DNAJC11: variants seen among roughly 807,000 people sequenced by gnomAD.
DNAJC11 encodes the protein DnaJ heat shock protein family (Hsp40) member C11.
DNAJC11 carries 15 observed loss-of-function variants against 78.6 expected under a neutral mutation model. That is an observed-to-expected ratio of 0.19 (90% confidence interval 0.13 to 0.29). The LOEUF is 0.29. Ranked by LOEUF, DNAJC11 falls within the 10% of genes least tolerant of loss-of-function variation. DNAJC11 has a pLI of 1.00. For synonymous variants in DNAJC11, 292 were observed against 272.1 expected (o/e 1.07, Z -0.72); for missense variants, 547 against 709.6 (o/e 0.77, Z 2.60).
chr1:6,641,213 C>T (rs1273058198), intron 10 of DNAJC11, among the ~76,000 whole-genome samples: 1 of 151,780 alleles, frequency 6.6e-6, no homozygotes, highest in Non-Finnish European at 1.5e-5. Flanking sequence ...TGGTGAAACC[C>T]TGTCTCTACT....
In DNAJC11 at chr1:6,675,181, T is replaced by C. The variant is rs537599800; in HGVS notation, c.276+3213A>G. On this transcript the variant is annotated intron_variant, in intron 3 of 15. Coordinates refer to ENST00000377577, the MANE Select transcript of DNAJC11 (RefSeq NM_018198.4). ...ATGAATAATGGGCTCAATTTTCCTA[T>C]TGGATGTTAAGCACTAATACATATC... Among the ~76,000 whole-genome samples the C allele has an allele frequency of 2.0e-5, 3 of 152,288 alleles. No homozygotes were observed. In the South Asian group the frequency reaches 6.2e-4, roughly 32 times the overall value.
At chr1:6,656,372 C>A (rs987617599) in intron 4 of DNAJC11, among the ~76,000 whole-genome samples, 23 of 151,520 alleles carry the variant, frequency 1.5e-4, no homozygotes, top group African/African-American at 5.1e-4. Context: ...AGTTTTATAG[C>A]ATCTAAATTT....
chr1:6,663,199 C>G (rs1642244164), intron 4 of DNAJC11, among the ~76,000 whole-genome samples: 1 of 152,056 alleles, frequency 6.6e-6, no homozygotes, highest in Non-Finnish European at 1.5e-5. Context: ...CAAAAATGGC[C>G]AGGAAATAAT....
chr1:6,634,185 T>C lies in DNAJC11; in HGVS notation c.*1490A>G. ...CGCCAGCCTCTGCTTTCAGGAAAGG[T>C]TTATTGTGGTGAGTGCCTTCTGTAC... On this transcript the variant is annotated 3_prime_UTR_variant, in exon 16 of 16. Coordinates refer to ENST00000377577, the MANE Select transcript of DNAJC11 (RefSeq NM_018198.4). 8.4e-7 allele frequency: 1 copy of C among 1,192,340 alleles called. No homozygotes were observed. Among genetic ancestry groups the C allele is most frequent in the Non-Finnish European group, 1.2e-6 (1 of 821,004 alleles). The allele number at this position is 1,192,340 out of a possible 1,614,324, so 73.9% of individuals were successfully genotyped here.
rs573621784 is a variant in DNAJC11, at chr1:6,667,975, C to T, written c.277-165G>A. The T allele has an allele frequency of 2.6e-5, 17 of 647,122 alleles. No individual in the cohort carries two copies. The East Asian group carries it at 4.7e-4, about 18-fold the overall frequency. The allele number at this position is 647,122 out of a possible 1,614,324, so 40.1% of individuals were successfully genotyped here. A position where few individuals can be genotyped will look rare whatever the true frequency, so the allele number is the denominator to read the frequency against. On this transcript the variant is annotated intron_variant, in intron 3 of 15. Transcript: ENST00000377577. ...AACCATGAGTTCCACCATCCGATGG[C>T]TCAGGCCTGGGTGAGGGAGAGCTCA... is the stretch of plus-strand genomic sequence containing the variant.
Position 6,661,259 on chromosome 1 carries a change from G to C in DNAJC11, c.378+6450C>G, listed in dbSNP as rs974499162. On this transcript the variant is annotated intron_variant, in intron 4 of 15. Coordinates refer to ENST00000377577, the MANE Select transcript of DNAJC11 (RefSeq NM_018198.4). ...AAAATTCCACCAAAAGAGGTGATAC[G>C]AGGCAATGTGAAATTCACCTGTTTT... Among the ~76,000 whole-genome samples, 7 of 152,164 alleles carry C rather than the reference G, an allele frequency of 4.6e-5. No homozygotes were observed. The East Asian group carries it at 1.3e-3, about 29-fold the overall frequency.
rs975356259 is a variant in DNAJC11 at position 6,635,375 on chromosome 1, G to T, written c.*300C>A. 8.9e-6 allele frequency: 3 copies of T among 337,384 alleles called. No individual in the cohort carries two copies. In the South Asian group the frequency reaches 1.3e-4, roughly 15 times the overall value. The allele number at this position is 337,384 out of a possible 1,614,324, so 20.9% of individuals were successfully genotyped here. A position where few individuals can be genotyped will look rare whatever the true frequency, so the allele number is the denominator to read the frequency against. On this transcript the variant is annotated 3_prime_UTR_variant, in exon 16 of 16. Coordinates refer to ENST00000377577, the MANE Select transcript of DNAJC11 (RefSeq NM_018198.4). Reference sequence around the variant, plus strand: ...CAGGGCGGCGGGCTGCGGTCAGCACGTGTGCTCGGGACACAGCGGAGTCAG... The same window carrying T: ...CAGGGCGGCGGGCTGCGGTCAGCACTTGTGCTCGGGACACAGCGGAGTCAG...
intron 1 of DNAJC11, among the ~76,000 whole-genome samples, chr1:6,693,749 A>C (rs1370302454): frequency 6.6e-6 from 1 of 151,988 alleles, no homozygotes; most frequent in Non-Finnish European, 1.5e-5. Flanking sequence ...TCTGTCGCCC[A>C]GCCTAGAGTG....
At chr1:6,681,271 C>T (rs1642547467) in intron 1 of DNAJC11, among the ~76,000 whole-genome samples, 1 of 152,116 alleles carries the variant, frequency 6.6e-6, no homozygotes, top group East Asian at 1.9e-4. Context: ...GTGCTGCTAT[C>T]CAATGAATGA....
At chr1:6,635,879 C>G (rs1641757515) in intron 15 of DNAJC11, among the ~76,000 whole-genome samples, 179 bp from the exon 16 acceptor site, 1 of 152,250 alleles carries the variant, frequency 6.6e-6, no homozygotes, top group Non-Finnish European at 1.5e-5. Flanking sequence ...TCCCCCGCCA[C>G]TCAAGCCGCA....
At chr1:6,689,062 G>A (rs756505691) in intron 1 of DNAJC11, among the ~76,000 whole-genome samples, 11 of 152,156 alleles carry the variant, frequency 7.2e-5, no homozygotes, top group Non-Finnish European at 1.0e-4. Context: ...TTTAAAAATG[G>A]AGCCAAGGAG....
At chr1:6,655,678 GC>G (rs1642115462) in intron 4 of DNAJC11, among the ~76,000 whole-genome samples, 1 of 152,096 alleles carries the variant, frequency 6.6e-6, no homozygotes. Flanking sequence ...ACAAAAATTA[GC>G]CAGGTACACG....
At chr1:6,674,723 G>A (rs986655812) in intron 3 of DNAJC11, among the ~76,000 whole-genome samples, 9 of 151,106 alleles carry the variant, frequency 6.0e-5, no homozygotes, top group African/African-American at 2.2e-4. Flanking sequence ...GTGAGACTCT[G>A]TCTCAAAAAA....
At position 6,651,571 on chromosome 1, in the gene DNAJC11, G is replaced by C; in HGVS notation, c.662C>G (p.Pro221Arg). ...LEFGAGDLQG[P>R]LFGLKLFRNL... ...ACGGAACAGCTTGAGACCGAACAAA[G>C]GCCCCTGTAGGTCTCCAGCTCCAAA... The change falls in exon 7 of 16, where the codon CCT becomes CGT. Residue 221 changes from proline to arginine, a missense_variant. By Grantham distance (103) the Pro-to-Arg change is moderately radical (BLOSUM62 -2). Transcript: ENST00000377577. The C allele has an allele frequency of 1.9e-6, 3 of 1,614,102 alleles. No homozygotes were observed. The highest frequency in any genetic ancestry group is 2.5e-6 in the Non-Finnish European group (3 of 1,179,984).
At chr1:6,651,021 T>C (rs747469419) in intron 7 of DNAJC11, 3 of 532,410 alleles carry the variant, frequency 5.6e-6, no homozygotes, top group Non-Finnish European at 1.2e-5. Context: ...ACCCACCATA[T>C]AGGAAATGAA....
Position 6,680,831 on chromosome 1 carries a change from T to A in DNAJC11, c.202+77A>T, listed in dbSNP as rs1272418680. 6.4e-7 allele frequency: 1 copy of A among 1,562,416 alleles called. No homozygotes were observed. The highest frequency in any genetic ancestry group is 1.4e-5 in the African/African-American group (1 of 73,640). On this transcript the variant is annotated intron_variant, in intron 2 of 15. Coordinates refer to ENST00000377577, the MANE Select transcript of DNAJC11 (RefSeq NM_018198.4). The surrounding 1 kb of genome is among the most constrained non-coding windows in gnomAD (Gnocchi z 4.0). ...TACCTCTAAGGACTCTCTTTTTCTATCCTCTACAAATCGCACCTCCTAAAA... is the reference window on the plus strand; with the variant it reads ...TACCTCTAAGGACTCTCTTTTTCTAACCTCTACAAATCGCACCTCCTAAAA...
chr1:6,659,664 G>C (rs568959487), intron 4 of DNAJC11, among the ~76,000 whole-genome samples: 1 of 152,266 alleles, frequency 6.6e-6, no homozygotes, highest in Non-Finnish European at 1.5e-5. Context: ...CGGAGGCTGA[G>C]GCAGAAGAAT....
At chr1:6,695,893 G>C (rs1642828563) in intron 1 of DNAJC11, among the ~76,000 whole-genome samples, 1 of 152,068 alleles carries the variant, frequency 6.6e-6, no homozygotes, top group Admixed American at 6.6e-5. Context: ...AATGGGATTT[G>C]AATACTGGAC....
At chr1:6,651,157 G>A (rs774194586) in intron 7 of DNAJC11, 5 of 545,286 alleles carry the variant, frequency 9.2e-6, no homozygotes, top group East Asian at 5.2e-5. Context: ...CAATCAACCC[G>A]ATGATGAGGC....
Sources: allele counts gnomAD v4.1 joint callset (sites outside exome capture counted in the v4.1 genomes callset), GRCh38; gene constraint gnomAD v4.1.1; non-coding constraint Gnocchi (gnomAD v3.1); transcripts MANE v1.5; gene names NCBI Gene and HGNC (gene_info 2026-07-23, HGNC 2026-07-21).